Variants in PCDHGB6 observed in about 807,000 individuals in gnomAD.
PCDHGB6 encodes protocadherin gamma subfamily B, 6.
PCDHGB6 carries 51 observed loss-of-function variants against 59.1 expected under a neutral mutation model. The ratio of observed to expected loss-of-function variants is 0.86; its 90% CI spans 0.69 to 1.09. The LOEUF (loss-of-function observed/expected upper bound fraction) is 1.09, where lower values mean the gene tolerates loss of function less well. Ranked by LOEUF, PCDHGB6 falls within the 50% of genes least tolerant of loss-of-function variation. The pLI, the probability that PCDHGB6 is intolerant of heterozygous loss-of-function variation, is 0.00. For synonymous variants in PCDHGB6, 466 were observed against 495.1 expected, an observed-to-expected ratio of 0.94 and a Z score of 0.78; for missense variants, 1,148 against 1,205.1, an observed-to-expected ratio of 0.95 and a Z score of 0.70.
At chr5:141,510,850 G>A in intron 3 of PCDHGB6, 97 bp from the exon 4 acceptor site, 4 of 1,599,444 alleles carry the variant, frequency 2.5e-6, no homozygotes, top group South Asian at 1.1e-5. Context: ...AAGGCCCAGG[G>A]TGCTGTATAG....
intron 1 of PCDHGB6, among the ~76,000 whole-genome samples, chr5:141,444,152 ATTTTTTTTTTTTTTTTTT>A (rs747671382): frequency 4.1e-4 from 14 of 33,898 alleles, no homozygotes; most frequent in South Asian, 2.1e-3. Flanking sequence ...TGTGTACTGG[ATTTTTTTTTTTTTTTTTT>A]TTTTTTTTTT....
At chr5:141,473,401 T>G (rs1285517100) in intron 1 of PCDHGB6, among the ~76,000 whole-genome samples, 3 of 152,222 alleles carry the variant, frequency 2.0e-5, no homozygotes. Context: ...GCTTCTTTTT[T>G]TCTTCTTCAG....
At chr5:141,427,499 T>C in intron 1 of PCDHGB6, 2 of 571,516 alleles carry the variant, frequency 3.5e-6, no homozygotes, top group Non-Finnish European at 3.3e-6. Flanking sequence ...TTGTAACAGA[T>C]GGGACCCTGG....
chr5:141,451,134 T>A (rs567790185), intron 1 of PCDHGB6, among the ~76,000 whole-genome samples: 1 of 152,254 alleles, frequency 6.6e-6, no homozygotes, highest in South Asian at 2.1e-4. Context: ...AGCCTTATGA[T>A]TGTATTTAGA....
At chr5:141,481,013 A>G (rs1198627648) in intron 1 of PCDHGB6, among the ~76,000 whole-genome samples, 1 of 152,164 alleles carries the variant, frequency 6.6e-6, no homozygotes, top group Admixed American at 6.5e-5. Context: ...AGCCCAGATC[A>G]CACCACTGCA....
At chr5:141,421,823 G>A in intron 1 of PCDHGB6, 1 of 1,613,802 alleles carries the variant, frequency 6.2e-7, no homozygotes. Flanking sequence ...GTACTGGAGG[G>A]AAGCCTGGAC....
intron 1 of PCDHGB6, chr5:141,411,549 A>G (rs1169343676): frequency 6.6e-6 from 1 of 152,210 alleles, no homozygotes; most frequent in African/African-American, 2.4e-5. Flanking sequence ...TTGCCACTGC[A>G]CTCCAGCCTG....
At chr5:141,482,343 A>G (rs1016179369) in intron 1 of PCDHGB6, among the ~76,000 whole-genome samples, 3 of 152,126 alleles carry the variant, frequency 2.0e-5, no homozygotes, top group Non-Finnish European at 2.9e-5. Flanking sequence ...TACTTTGCAA[A>G]CTTGTTGTGA....
intron 1 of PCDHGB6, chr5:141,428,048 G>A: frequency 6.2e-7 from 1 of 1,608,900 alleles, no homozygotes; most frequent in Admixed American, 1.7e-5. Context: ...TGGTGACCAA[G>A]GTGGTGGCGG....
At chr5:141,468,330 C>CAAAAA (rs533390277) in intron 1 of PCDHGB6, 4 of 79,848 alleles carry the variant, frequency 5.0e-5, no homozygotes, top group African/African-American at 7.8e-5. Context: ...AACTCCATCT[C>CAAAAA]AAAAAAAAAA....
At chr5:141,472,980 CAAA>C (rs60579131) in intron 1 of PCDHGB6, among the ~76,000 whole-genome samples, 10 of 86,092 alleles carry the variant, frequency 1.2e-4, no homozygotes, top group Non-Finnish European at 1.2e-4. Context: ...GAGTGAAACT[CAAA>C]AAAAAAAAAA....
At chr5:141,437,999 C>T (rs1230507077) in intron 1 of PCDHGB6, among the ~76,000 whole-genome samples, 1 of 152,062 alleles carries the variant, frequency 6.6e-6, no homozygotes, top group African/African-American at 2.4e-5. Flanking sequence ...CCTCAGCCTC[C>T]CAAATAGCTG....
chr5:141,422,370 T>G (rs2096643676), intron 1 of PCDHGB6: 1 of 1,566,604 alleles, frequency 6.4e-7, no homozygotes, highest in African/African-American at 1.4e-5. Flanking sequence ...GAGAAAATGG[T>G]CAAGTCTCCT....
rs374191427 is a variant in PCDHGB6 at position 141,419,804 on chromosome 5, G to A, written c.2418+9184G>A. ...GCGCCTGCTAGTCGCTGTAAGAGAT[G>A]GAGGACAGCCACCCCTTTCAGCCAC... On this transcript the variant is annotated intron_variant, in intron 1 of 3. Coordinates refer to ENST00000520790, the MANE Select transcript of PCDHGB6 (RefSeq NM_018926.3). The A allele has an allele frequency of 2.8e-5, 45 of 1,613,946 alleles. No homozygotes were observed. The highest frequency in any genetic ancestry group is 1.6e-4 in the Middle Eastern group (1 of 6,082).
Position 141,410,058 on chromosome 5 carries a change from T to C in PCDHGB6, c.1856T>C (p.Leu619Pro). The C allele has an allele frequency of 6.2e-7, 1 of 1,613,016 alleles. No homozygotes were observed. The highest frequency in any genetic ancestry group is 8.5e-7 in the Non-Finnish European group (1 of 1,179,742). ...GCCAGTGAGCCCGGACTCTTCAGCCTGGGGCTGCGCACTGGGGAGGTGCGC... is the reference window on the plus strand; with the variant it reads ...GCCAGTGAGCCCGGACTCTTCAGCCCGGGGCTGCGCACTGGGGAGGTGCGC... ...LQASEPGLFS[L>P]GLRTGEVRTA... The change falls in exon 1 of 4, where the codon CTG becomes CCG. Residue 619 changes from leucine to proline, a missense_variant. By Grantham distance (98) the Leu-to-Pro change is moderately conservative. Transcript: ENST00000520790.
intron 1 of PCDHGB6, chr5:141,418,063 G>C (rs2015825): frequency 1.9e-6 from 3 of 1,613,754 alleles, no homozygotes; most frequent in Admixed American, 1.7e-5. Flanking sequence ...AGCTGCGAGT[G>C]AGCGCGGAGA....
intron 3 of PCDHGB6, among the ~76,000 whole-genome samples, chr5:141,509,420 G>A (rs1384424118): frequency 6.6e-6 from 1 of 152,128 alleles, no homozygotes; most frequent in East Asian, 1.9e-4. Context: ...GAGCCCCAAT[G>A]AGTCAAACTC....
At position 141,489,969 on chromosome 5, in the gene PCDHGB6, A is replaced by C. The variant is rs746202385; in HGVS notation, c.2419-4838A>C. On this transcript the variant is annotated intron_variant, in intron 1 of 3. Coordinates refer to ENST00000520790, the MANE Select transcript of PCDHGB6 (RefSeq NM_018926.3). This position sits in a 1 kb window ranked among gnomAD's most constrained non-coding sequence, Gnocchi z 4.5. The stretch of plus-strand genomic sequence containing the variant: ...TCAATGATAATGCTCCAACCTTCCA[A>C]TCCTCAGTTCTACGTGTGGGAATCC... 4 of 1,614,008 alleles carry C rather than the reference A, an allele frequency of 2.5e-6. No individual in the cohort carries two copies.
chr5:141,408,974 G>C lies in PCDHGB6; in HGVS notation c.772G>C (p.Gly258Arg), dbSNP rs899313364. 8.7e-6 allele frequency: 14 copies of C among 1,613,690 alleles called. No individual in the cohort carries two copies. In the African/African-American group the frequency reaches 1.9e-4, roughly 22 times the overall value. The change falls in exon 1 of 4, where the codon GGG becomes CGG. Residue 258 changes from glycine to arginine, a missense_variant. This residue lies in a region of PCDHGB6 where 307 missense variants were observed against 323.8 expected (regional missense o/e 0.95). Transcript: ENST00000520790. ...RISLSENLPP[G>R]SPVLQVTATD... ...TAGTCTTAGTGAAAATCTGCCCCCT[G>C]GGTCCCCTGTGTTGCAAGTGACAGC...
Sources: allele counts gnomAD v4.1 joint callset (sites outside exome capture counted in the v4.1 genomes callset), GRCh38; gene constraint gnomAD v4.1.1; regional missense constraint gnomAD v4.1.1; non-coding constraint Gnocchi (gnomAD v3.1); transcripts MANE v1.5; gene names NCBI Gene and HGNC (gene_info 2026-07-23, HGNC 2026-07-21).